GBX2: variants seen among roughly 807,000 people sequenced by gnomAD.
The protein encoded by GBX2 is homeobox protein GBX-2.
Under a neutral mutation model 22.4 loss-of-function variants are expected in GBX2, and 5 were observed. The ratio of observed to expected loss-of-function variants is 0.22; its 90% CI spans 0.12 to 0.47. The LOEUF (loss-of-function observed/expected upper bound fraction) is 0.47, where lower values mean the gene tolerates loss of function less well. Ranked by LOEUF, GBX2 falls within the 20% of genes least tolerant of loss-of-function variation. GBX2 has a pLI of 0.99. For synonymous variants in GBX2, 220 were observed against 230.5 expected (o/e 0.95, Z 0.41); for missense variants, 470 against 495.4 (o/e 0.95, Z 0.49).
In GBX2 at chr2:236,165,970, C is replaced by T; in HGVS notation, c.991G>A (p.Val331Ile). The T allele has an allele frequency of 1.2e-6, 2 of 1,614,166 alleles. No homozygotes were observed. Among genetic ancestry groups the T allele is most frequent in the Non-Finnish European group, 1.7e-6 (2 of 1,180,022 alleles). Residue 331 changes from valine (V) to isoleucine (I), a missense_variant, in exon 2 of 2, where the codon GTC (valine) becomes ATC (isoleucine). Transcript: ENST00000306318. ...TGACTTCTGATAGCGAACCTGCTGA[C>T]GTGGACAGGGATGGGGACGACGATC... ...PKIVVPIPVHVSRFAIRSQHQ... is the reference protein window; with the variant it reads ...PKIVVPIPVHISRFAIRSQHQ...
downstream of GBX2, among the ~76,000 whole-genome samples, chr2:236,164,767 GC>G (rs2060228948): frequency 6.6e-6 from 1 of 152,142 alleles, no homozygotes; most frequent in Non-Finnish European, 1.5e-5. Flanking sequence ...GCCAGATAAC[GC>G]CCGGAGCCTG....
downstream of GBX2, among the ~76,000 whole-genome samples, chr2:236,162,394 G>T (rs887150871): frequency 2.6e-5 from 4 of 152,274 alleles, no homozygotes; most frequent in African/African-American, 9.6e-5. Context: ...AAATTCCAGC[G>T]CAGGTTGGGA....
downstream of GBX2, among the ~76,000 whole-genome samples, chr2:236,164,868 T>G (rs1295523787): frequency 1.3e-5 from 2 of 152,192 alleles, no homozygotes; most frequent in African/African-American, 2.4e-5. Context: ...CCTCCCTGGC[T>G]GTAGTCGATT....
At chr2:236,164,530 CG>C (rs2060227199), downstream of GBX2, among the ~76,000 whole-genome samples, 1 of 152,108 alleles carries the variant, frequency 6.6e-6, no homozygotes, top group Non-Finnish European at 1.5e-5. Flanking sequence ...CGCAGCTCCC[CG>C]TCCCTTGCAG....
At chr2:236,164,841 G>A (rs2060229302), downstream of GBX2, among the ~76,000 whole-genome samples, 1 of 152,152 alleles carries the variant, frequency 6.6e-6, no homozygotes, top group Non-Finnish European at 1.5e-5. Context: ...GGAGATATTT[G>A]TAAAGGAAAG....
At chr2:236,163,127 G>A (rs1414517133), downstream of GBX2, among the ~76,000 whole-genome samples, 1 of 152,224 alleles carries the variant, frequency 6.6e-6, no homozygotes, top group Admixed American at 6.5e-5. Context: ...GACTCATTAG[G>A]CAGCCAAATG....
At chr2:236,163,909 G>A (rs2060223888), downstream of GBX2, among the ~76,000 whole-genome samples, 1 of 152,134 alleles carries the variant, frequency 6.6e-6, no homozygotes, top group African/African-American at 2.4e-5. Flanking sequence ...GGCGCTGGGC[G>A]GGGCGCGGCC....
Position 236,168,076 on chromosome 2 carries a change from G to T in GBX2, c.-105C>A. The T allele has an allele frequency of 8.1e-7, 1 of 1,233,992 alleles. No individual in the cohort carries two copies. Among genetic ancestry groups the T allele is most frequent in the South Asian group, 2.1e-5 (1 of 46,550 alleles). The allele number at this position is 1,233,992 out of a possible 1,614,324, so 76.4% of individuals were successfully genotyped here. ...AGCACCGCCGGGAGCGCCGGGCAGG[G>T]GCCGAGCGGGACCCGGAGAGCAGAC... On this transcript the variant is annotated 5_prime_UTR_variant, in exon 1 of 2. Coordinates refer to ENST00000306318, the MANE Select transcript of GBX2 (RefSeq NM_001485.4).
At chr2:236,164,734 C>T (rs2060228686), downstream of GBX2, among the ~76,000 whole-genome samples, 2 of 152,208 alleles carry the variant, frequency 1.3e-5, no homozygotes, top group African/African-American at 4.8e-5. Flanking sequence ...GCCGGCTGGG[C>T]TCGCTGGGTT....
Position 236,167,638 on chromosome 2 carries a change from A to G in GBX2, c.334T>C (p.Phe112Leu), listed in dbSNP as rs764631873. ...TCCTGGTGCTGGGGCGACGCGGAGA[A>G]GCCGCCGGGGAGCGTGGCCATGAGC... Reference protein sequence around the residue: ...STLMATLPGGFSASPQHQEAA... With the variant: ...STLMATLPGGLSASPQHQEAA... The change falls in exon 1 of 2, where the codon TTC becomes CTC. Residue 112 changes from phenylalanine (F) to leucine (L), a missense_variant. Phe to Leu is a conservative substitution (Grantham distance 22). This residue lies in a region of GBX2 where 377 missense variants were observed against 358.6 expected (regional missense o/e 1.05). Transcript: ENST00000306318. 11 of 1,593,222 alleles carry G rather than the reference A, an allele frequency of 6.9e-6. No individual in the cohort carries two copies. The African/African-American group carries it at 1.5e-4, about 22-fold the overall frequency.
Position 236,167,515 on chromosome 2 carries a change from C to A in GBX2, c.457G>T (p.Gly153Cys). 6.3e-7 allele frequency: 1 copy of A among 1,595,310 alleles called. No homozygotes were observed. The change falls in exon 1 of 2, where the codon GGC becomes TGC. Residue 153 changes from glycine (G) to cysteine (C), a missense_variant. Physicochemically the swap from Gly to Cys is radical, Grantham distance 159. Coordinates refer to ENST00000306318, the MANE Select transcript of GBX2 (RefSeq NM_001485.4). ...ALQADAEDGK[G>C]FLAKEGSLLA... ...AGCGAGCCCTCTTTGGCCAGGAAGCCTTTGCCGTCCTCCGCGTCAGCCTGC... is the reference window on the plus strand; with the variant it reads ...AGCGAGCCCTCTTTGGCCAGGAAGCATTTGCCGTCCTCCGCGTCAGCCTGC...
downstream of GBX2, among the ~76,000 whole-genome samples, chr2:236,163,343 C>G (rs1372241730): frequency 1.3e-5 from 2 of 152,178 alleles, no homozygotes; most frequent in African/African-American, 2.4e-5. Flanking sequence ...CGGGCCCTCT[C>G]CTCCTCGTGC....
chr2:236,167,150 G>A, intron 1 of GBX2: 4 of 1,535,630 alleles, frequency 2.6e-6, no homozygotes, highest in Non-Finnish European at 3.5e-6. Context: ...GGAACCCCAG[G>A]TCACCGCGGA....
At chr2:236,164,281 C>G (rs952360918), downstream of GBX2, among the ~76,000 whole-genome samples, 1 of 152,332 alleles carries the variant, frequency 6.6e-6, no homozygotes, top group East Asian at 1.9e-4. Flanking sequence ...CCCCTCCTTC[C>G]CCCACTCGAA....
rs2060254141 is a variant in GBX2 at position 236,168,167 on chromosome 2, C to T, written c.-196G>A. 4.5e-6 allele frequency: 2 copies of T among 441,786 alleles called. No individual in the cohort carries two copies. Among genetic ancestry groups the T allele is most frequent in the African/African-American group, 2.1e-5 (1 of 48,262 alleles). The allele number at this position is 441,786 out of a possible 1,614,324, so 27.4% of individuals were successfully genotyped here. A position where few individuals can be genotyped will look rare whatever the true frequency, so the allele number is the denominator to read the frequency against. ...GGTGCAGGGGGTGTGCGGGGTGAGG[C>T]CGTGCGCCCCGGAGTGGAGAGGGCG... On this transcript the variant is annotated 5_prime_UTR_variant, in exon 1 of 2. Coordinates refer to ENST00000306318, the MANE Select transcript of GBX2 (RefSeq NM_001485.4).
chr2:236,166,556 TC>T lies in GBX2; in HGVS notation c.524-120del. 2 of 869,026 alleles carry T rather than the reference TC, an allele frequency of 2.3e-6. No individual in the cohort carries two copies. Among genetic ancestry groups the T allele is most frequent in the Non-Finnish European group, 3.6e-6 (2 of 553,172 alleles). 53.8% of individuals were successfully genotyped at this position (869,026 alleles called of 1,614,324 possible). A position where few individuals can be genotyped will look rare whatever the true frequency, so the allele number is the denominator to read the frequency against. On this transcript the variant is annotated intron_variant, in intron 1 of 1. Coordinates refer to ENST00000306318, the MANE Select transcript of GBX2 (RefSeq NM_001485.4). The surrounding 1 kb of genome is among the most constrained non-coding windows in gnomAD (Gnocchi z 6.6). ...CCCCCACCCTTTAGCGGATTGTCTT[TC>T]TATGACATTAACACATTGTGATTTC...
At position 236,165,691 on chromosome 2, in the gene GBX2, A is replaced by G; in HGVS notation, c.*223T>C. On this transcript the variant is annotated 3_prime_UTR_variant, in exon 2 of 2. Transcript: ENST00000306318. ...AGTCTATAGAGATATTTATGTACAA[A>G]GTAGGATAGTATAATAAATATTTAG... The G allele has an allele frequency of 1.8e-6, 1 of 559,452 alleles. No homozygotes were observed. The highest frequency in any genetic ancestry group is 3.2e-6 in the Non-Finnish European group (1 of 315,202). The allele number at this position is 559,452 out of a possible 1,614,324, so 34.7% of individuals were successfully genotyped here.
intron 1 of GBX2, 173 bp downstream of exon 1, chr2:236,167,276 C>A: frequency 5.7e-6 from 8 of 1,411,288 alleles, no homozygotes; most frequent in Non-Finnish European, 7.7e-6. Context: ...TTGGGTGGCT[C>A]TGAATGTCCC....
rs955268881 is a variant in GBX2 at position 236,166,911 on chromosome 2, C to T, written c.524-474G>A. The stretch of plus-strand genomic sequence containing the variant: ...GGCGTAGGGACGTGCAGATCCCAGA[C>T]CATCTTTTTTGAGACAGACAACGTT... On this transcript the variant is annotated intron_variant, in intron 1 of 1. Coordinates refer to ENST00000306318, the MANE Select transcript of GBX2 (RefSeq NM_001485.4). This position sits in a 1 kb window ranked among gnomAD's most constrained non-coding sequence, Gnocchi z 6.6. Among the ~76,000 whole-genome samples the T allele has an allele frequency of 1.1e-4, 16 of 152,188 alleles. No individual in the cohort carries two copies. The highest frequency in any genetic ancestry group is 2.1e-4 in the Non-Finnish European group (14 of 68,050).
Sources: gnomAD v4.1 joint callset for allele counts (sites outside exome capture counted in the v4.1 genomes callset) on GRCh38, gnomAD v4.1.1 for gene constraint, gnomAD v4.1.1 regional missense constraint, Gnocchi (gnomAD v3.1) non-coding constraint, MANE v1.5 for transcripts, NCBI Gene and HGNC (gene_info 2026-07-23, HGNC 2026-07-21) for gene names.